BBS9: variants seen among roughly 807,000 people sequenced by gnomAD.
BBS9 encodes the protein Bardet-Biedl syndrome 9.
In BBS9, 89 loss-of-function variants were observed where a neutral mutation model predicts 117.7. The ratio of observed to expected loss-of-function variants is 0.76; its 90% CI spans 0.64 to 0.90. The LOEUF is 0.90. BBS9 is among the 40% of genes least tolerant of loss of function. The pLI is 0.00. For missense variants in BBS9, 982 were observed against 1,042.2 expected, an observed-to-expected ratio of 0.94 and a Z score of 0.80; for synonymous variants, 379 against 370.9, an observed-to-expected ratio of 1.02 and a Z score of -0.25.
chr7:33,294,561 G>A (rs751263878), intron 9 of BBS9, among the ~76,000 whole-genome samples: 1 of 152,144 alleles, frequency 6.6e-6, no homozygotes, highest in Non-Finnish European at 1.5e-5. Context: ...TTTTGGTAAT[G>A]TAGTGACCCT....
intron 19 of BBS9, among the ~76,000 whole-genome samples, chr7:33,420,881 G>T (rs1832761951): frequency 6.6e-6 from 1 of 152,194 alleles, no homozygotes; most frequent in South Asian, 2.1e-4. Context: ...CATTGCTAAG[G>T]TGAAAGTTTT....
chr7:33,491,496 C>CTAA (rs1168216538), intron 19 of BBS9, among the ~76,000 whole-genome samples: 2 of 152,136 alleles, frequency 1.3e-5, no homozygotes, highest in Non-Finnish European at 2.9e-5. Context: ...TAATATTAAG[C>CTAA]TAATATGCTA....
intron 9 of BBS9, among the ~76,000 whole-genome samples, chr7:33,280,169 T>C (rs1420367691): frequency 1.3e-5 from 2 of 152,250 alleles, no homozygotes; most frequent in Non-Finnish European, 2.9e-5. Flanking sequence ...TCCTAGCTTA[T>C]TTAAATTTTT....
intron 21 of BBS9, among the ~76,000 whole-genome samples, chr7:33,574,774 G>A (rs1458483202): frequency 6.6e-6 from 1 of 151,344 alleles, no homozygotes; most frequent in East Asian, 1.9e-4. Flanking sequence ...TATAGGTTAT[G>A]TGTAAACTAT....
At chr7:33,521,741 C>A (rs1848629570) in intron 20 of BBS9, among the ~76,000 whole-genome samples, 1 of 149,696 alleles carries the variant, frequency 6.7e-6, no homozygotes, top group Admixed American at 6.6e-5. Context: ...GGGCTGTTTT[C>A]TTTTTCTTTT....
At chr7:33,222,868 A>C (rs923363425) in intron 5 of BBS9, among the ~76,000 whole-genome samples, 3 of 151,494 alleles carry the variant, frequency 2.0e-5, no homozygotes, top group African/African-American at 7.3e-5. Flanking sequence ...TGAAAGAATC[A>C]CTTGAGTCTG....
intron 19 of BBS9, among the ~76,000 whole-genome samples, chr7:33,397,800 A>G (rs895182843): frequency 4.6e-5 from 7 of 152,032 alleles, no homozygotes; most frequent in Non-Finnish European, 8.8e-5. Context: ...AGGGGAAACT[A>G]CACACACTGG....
chr7:33,632,659 T>C (rs1865948817), intron 21 of BBS9, among the ~76,000 whole-genome samples: 1 of 152,030 alleles, frequency 6.6e-6, no homozygotes, highest in African/African-American at 2.4e-5. Context: ...CCCCGGGGAC[T>C]CCAGGTCCCA....
At chr7:33,285,876 A>G (rs1487917656) in intron 9 of BBS9, among the ~76,000 whole-genome samples, 1 of 152,042 alleles carries the variant, frequency 6.6e-6, no homozygotes, top group Admixed American at 6.6e-5. Context: ...AAAGTTAGAT[A>G]TCTTCTGCTT....
intron 9 of BBS9, among the ~76,000 whole-genome samples, chr7:33,319,107 G>C (rs570637626): frequency 5.3e-5 from 8 of 151,292 alleles, no homozygotes; most frequent in Admixed American, 2.6e-4. Context: ...AGGTTGCAGT[G>C]AGCCAAGATC....
At chr7:33,342,368 T>C (rs1584412057) in intron 11 of BBS9, among the ~76,000 whole-genome samples, 1 of 152,160 alleles carries the variant, frequency 6.6e-6, no homozygotes, top group Non-Finnish European at 1.5e-5. Context: ...AATGTACACA[T>C]ATTTTCTTGC....
intron 19 of BBS9, among the ~76,000 whole-genome samples, chr7:33,503,974 A>G: frequency 6.6e-6 from 1 of 152,200 alleles, no homozygotes; most frequent in African/African-American, 2.4e-5. Flanking sequence ...CCCTTTGCTA[A>G]CTTCTTTCAC....
chr7:33,336,653 G>A, intron 10 of BBS9, 31 bp downstream of exon 10: 1 of 1,431,240 alleles, frequency 7.0e-7, no homozygotes, highest in Non-Finnish European at 9.7e-7. Context: ...TATTATTTTA[G>A]TATTCATTAT....
Position 33,510,223 on chromosome 7 carries a change from T to C in BBS9, c.2298+4578T>C, listed in dbSNP as rs531491130. On this transcript the variant is annotated intron_variant, in intron 20 of 22. Transcript: ENST00000242067. Reference sequence around the variant, plus strand: ...TTGGGCAATTTTAAAATAAATTGTTTTCATATCTTTCAGGTTAGGGGCTGG... The same window carrying C: ...TTGGGCAATTTTAAAATAAATTGTTCTCATATCTTTCAGGTTAGGGGCTGG... 3.3e-5 allele frequency among the ~76,000 whole-genome samples: 5 copies of C among 152,254 alleles called. No individual in the cohort carries two copies. The South Asian group carries it at 1.0e-3, about 32-fold the overall frequency.
At chr7:33,177,965 A>G (rs186567062) in intron 5 of BBS9, 5 of 205,358 alleles carry the variant, frequency 2.4e-5, no homozygotes, top group South Asian at 8.1e-5. Context: ...TGTCTTTTAT[A>G]TATAAGCTGA....
chr7:33,218,988 C>T (rs904436756), intron 5 of BBS9, among the ~76,000 whole-genome samples: 2 of 152,228 alleles, frequency 1.3e-5, no homozygotes, highest in African/African-American at 4.8e-5. Flanking sequence ...GAGGCGCGAG[C>T]GGGAACCCGG....
intron 1 of BBS9, among the ~76,000 whole-genome samples, chr7:33,138,051 A>G (rs7804888): frequency 0.014 from 2,151 of 152,306 alleles, 56 homozygotes; most frequent in African/African-American, 0.049. Flanking sequence ...AAAGCAAACA[A>G]ACAACACAAA....
At chr7:33,148,662 C>CT (rs554496476) in intron 2 of BBS9, among the ~76,000 whole-genome samples, 3,475 of 132,982 alleles carry the variant, frequency 0.026, 125 homozygotes, top group African/African-American at 0.08. Context: ...TGCACCTGGC[C>CT]TTTTTTTTTT....
Position 33,279,517 on chromosome 7 carries a change from T to C in BBS9, c.1016+5561T>C, listed in dbSNP as rs1801418676. ...TTGATTTATGAAGGAAGTTGCTGCTTTTTAAATACGTTTCTTTTCAGTGAA... is the reference window on the plus strand; with the variant it reads ...TTGATTTATGAAGGAAGTTGCTGCTCTTTAAATACGTTTCTTTTCAGTGAA... On this transcript the variant is annotated intron_variant, in intron 9 of 22. Transcript: ENST00000242067. Among the ~76,000 whole-genome samples, 3 of 152,358 alleles carry C rather than the reference T, an allele frequency of 2.0e-5. No individual in the cohort carries two copies. The South Asian group carries it at 6.2e-4, about 32-fold the overall frequency.
Sources: gnomAD v4.1 joint callset for allele counts (sites outside exome capture counted in the v4.1 genomes callset) on GRCh38, gnomAD v4.1.1 for gene constraint, MANE v1.5 for transcripts, NCBI Gene and HGNC (gene_info 2026-07-23, HGNC 2026-07-21) for gene names.